The following ABCA9 variants were observed in gnomAD, a reference collection of about 807,000 sequenced individuals.
ABCA9 encodes ATP-binding cassette sub-family A member 9.
ABCA9 carries 183 observed loss-of-function variants against 205.3 expected under a neutral mutation model. The ratio of observed to expected loss-of-function variants is 0.89; its 90% CI spans 0.79 to 1.01. ABCA9 has a LOEUF of 1.01. Ranked by LOEUF, ABCA9 falls within the 50% of genes least tolerant of loss-of-function variation. The pLI is 0.00. For missense variants in ABCA9, 1,805 were observed against 1,912.4 expected, an observed-to-expected ratio of 0.94 and a Z score of 1.05; for synonymous variants, 651 against 683.3, an observed-to-expected ratio of 0.95 and a Z score of 0.74.
chr17:69,059,694 T>A (rs553511233), intron 1 of ABCA9, among the ~76,000 whole-genome samples: 2 of 146,802 alleles, frequency 1.4e-5, no homozygotes, highest in East Asian at 2.0e-4. Context: ...ACAGCAGCAA[T>A]AGAAAGTTAA....
rs1433818769 is a variant in ABCA9, at chr17:69,035,287, A to G, written c.1087T>C (p.Cys363Arg). 1.9e-6 allele frequency: 3 copies of G among 1,605,838 alleles called. No homozygotes were observed. The highest frequency in any genetic ancestry group is 2.7e-5 in the African/African-American group (2 of 74,742). Residue 363 changes from cysteine (C) to arginine (R), a missense_variant, in exon 8 of 39, where the codon TGT becomes CGT. By Grantham distance (180) the Cys-to-Arg change is radical. Coordinates refer to ENST00000340001, the MANE Select transcript of ABCA9 (RefSeq NM_080283.4). ...GTGAAGGCAAAGGGGCTAAGAAGAC[A>G]CAAAGTCCATTCCAAAAATGCAGGA... ...RLPAFLEWTL[C>R]LLSPFAFTVG...
At chr17:69,015,546 A>T (rs1469476422) in intron 22 of ABCA9, among the ~76,000 whole-genome samples, 2 of 152,194 alleles carry the variant, frequency 1.3e-5, no homozygotes, top group Non-Finnish European at 2.9e-5. Flanking sequence ...GCTGAACATT[A>T]TTTAATGGAA....
In ABCA9 at chr17:69,028,531, T is replaced by C. The variant is rs2071065364; in HGVS notation, c.1615+4A>G. The C allele has an allele frequency of 3.8e-6, 6 of 1,570,454 alleles. No homozygotes were observed. Among genetic ancestry groups the C allele is most frequent in the Non-Finnish European group, 5.2e-6 (6 of 1,147,706 alleles). On this transcript the variant is annotated splice_donor_region_variant and intron_variant, in intron 12 of 38. Transcript: ENST00000340001. The stretch of plus-strand genomic sequence containing the variant: ...TACTTGTCCTTGGATAACTGTCTTC[T>C]TACCTGATGTTGGAACTGACAACCC...
chr17:69,039,922 A>G (rs1242953313), intron 6 of ABCA9, among the ~76,000 whole-genome samples: 1 of 152,250 alleles, frequency 6.6e-6, no homozygotes, highest in East Asian at 1.9e-4. Context: ...CTCAAAAAGA[A>G]GACACTTATG....
intron 27 of ABCA9, 120 bp from the exon 28 acceptor site, chr17:68,992,386 A>C (rs952149233): frequency 8.2e-6 from 5 of 607,712 alleles, no homozygotes; most frequent in Admixed American, 3.3e-5. Flanking sequence ...TCATTTTTAC[A>C]AGGCTGAAAG....
At chr17:69,020,614 A>G in intron 18 of ABCA9, 28 bp from the exon 19 acceptor site, 1 of 1,597,026 alleles carries the variant, frequency 6.3e-7, no homozygotes, top group Non-Finnish European at 8.6e-7. Flanking sequence ...TATTTTATAA[A>G]GTGCCATTTT....
intron 5 of ABCA9, 81 bp from the exon 6 acceptor site, chr17:69,043,796 C>T: frequency 8.7e-7 from 1 of 1,148,986 alleles, no homozygotes; most frequent in Non-Finnish European, 1.2e-6. Context: ...TATAAGGAAT[C>T]ACGTACATTC....
intron 17 of ABCA9, chr17:69,022,265 A>G (rs569476633): frequency 6.6e-6 from 1 of 152,236 alleles, no homozygotes; most frequent in African/African-American, 2.4e-5. Flanking sequence ...ATGTAAAAGA[A>G]CTAATGTTTA....
At chr17:69,052,031 A>G (rs897802566) in intron 1 of ABCA9, among the ~76,000 whole-genome samples, 1 of 152,186 alleles carries the variant, frequency 6.6e-6, no homozygotes, top group Non-Finnish European at 1.5e-5. Context: ...CCACGAACTT[A>G]AGAGATTGAT....
At position 69,034,005 on chromosome 17, in the gene ABCA9, A is replaced by C. The variant is rs570921027; in HGVS notation, c.1129-132T>G. 9.8e-5 allele frequency: 68 copies of C among 695,314 alleles called. No individual in the cohort carries two copies. In the Admixed American group the frequency reaches 1.0e-3, roughly 11 times the overall value. The allele number at this position is 695,314 out of a possible 1,614,324, so 43.1% of individuals were successfully genotyped here. On this transcript the variant is annotated intron_variant, in intron 8 of 38. Coordinates refer to ENST00000340001, the MANE Select transcript of ABCA9 (RefSeq NM_080283.4). Reference sequence around the variant, plus strand: ...ATCTTGTCTCTACAGAGCTCTGTCTACTATTATAGAAGACAATTTTAATAG... The same window carrying C: ...ATCTTGTCTCTACAGAGCTCTGTCTCCTATTATAGAAGACAATTTTAATAG...
At chr17:69,008,762 G>A (rs550640588) in intron 23 of ABCA9, among the ~76,000 whole-genome samples, 19 of 152,276 alleles carry the variant, frequency 1.2e-4, no homozygotes, top group East Asian at 1.9e-4. Flanking sequence ...TTGTCTTGCC[G>A]TAAGTCATAT....
At chr17:69,033,303 C>CAAA (rs374917872) in intron 9 of ABCA9, 1,789 of 86,822 alleles carry the variant, frequency 0.021, 132 homozygotes, top group African/African-American at 0.065. Flanking sequence ...CGAGACTTCT[C>CAAA]AAAAAAAAAA....
At chr17:69,072,344 G>A in the ABCA9 span, among the ~76,000 whole-genome samples, 2 of 152,180 alleles carry the variant, frequency 1.3e-5, no homozygotes, top group South Asian at 4.1e-4. Context: ...GGCAGCCAGA[G>A]AGAAAGGTCG....
At chr17:69,009,530 G>A (rs1460123969) in intron 23 of ABCA9, among the ~76,000 whole-genome samples, 4 of 152,160 alleles carry the variant, frequency 2.6e-5, no homozygotes, top group African/African-American at 9.7e-5. Context: ...ATCACTCATG[G>A]CTTTCAGACA....
At chr17:69,021,704 T>C (rs751461236) in intron 18 of ABCA9, 38 bp downstream of exon 18, 9 of 1,344,852 alleles carry the variant, frequency 6.7e-6, no homozygotes, top group Middle Eastern at 3.7e-4. Flanking sequence ...TTCCTTTCTT[T>C]CTTTCTCCCT....
chr17:68,990,737 G>C, intron 29 of ABCA9, 100 bp downstream of exon 29: 1 of 1,453,756 alleles, frequency 6.9e-7, no homozygotes, highest in Non-Finnish European at 9.4e-7. Flanking sequence ...GTGTAAGAAT[G>C]AAAGAACCCC....
rs755114352 is a variant in ABCA9 at position 69,018,527 on chromosome 17, A to G, written c.2653T>C (p.Tyr885His). 1 of 1,606,184 alleles carries G rather than the reference A, an allele frequency of 6.2e-7. No individual in the cohort carries two copies. The highest frequency in any genetic ancestry group is 1.1e-5 in the South Asian group (1 of 89,786). Residue 885 changes from tyrosine to histidine, a missense_variant, in exon 20 of 39, where the codon TAC becomes CAC. Physicochemically the swap from Tyr to His is moderately conservative, Grantham distance 83. Transcript: ENST00000340001. The stretch of plus-strand genomic sequence containing the variant: ...GGGTAACTTTTCTGATATGACTCGT[A>G]GAATAGATGTTCCAAAAGTTGAGGG... The part of the protein sequence containing the change: ...FIPQLLEHLF[Y>H]ESYQKSYPWE...
chr17:69,028,621 C>G lies in ABCA9; in HGVS notation c.1529G>C (p.Gly510Ala). The G allele has an allele frequency of 6.2e-7, 1 of 1,604,170 alleles. No homozygotes were observed. Among genetic ancestry groups the G allele is most frequent in the Non-Finnish European group, 8.5e-7 (1 of 1,174,962 alleles). The change falls in exon 12 of 39, where the codon GGC becomes GCC. Residue 510 changes from glycine to alanine, a missense_variant. By Grantham distance (60) the Gly-to-Ala change is moderately conservative. Transcript: ENST00000340001. Reference protein sequence around the residue: ...LKGVVFDIYEGQITALLGHSG... With the variant: ...LKGVVFDIYEAQITALLGHSG... ...GTGACCAAGGAGGGCAGTGATCTGG[C>G]CTTCATATATGTCAAACACCACACC...
At chr17:68,979,908 G>A (rs1396622462) in intron 37 of ABCA9, among the ~76,000 whole-genome samples, 1 of 152,036 alleles carries the variant, frequency 6.6e-6, no homozygotes, top group African/African-American at 2.4e-5. Flanking sequence ...CAAAAGCAAT[G>A]GCAACAAAAG....
Sources: allele counts gnomAD v4.1 joint callset (sites outside exome capture counted in the v4.1 genomes callset), GRCh38; gene constraint gnomAD v4.1.1; transcripts MANE v1.5; gene names NCBI Gene and HGNC (gene_info 2026-07-23, HGNC 2026-07-21).